The following RIN2 variants were observed in gnomAD, a reference collection of about 807,000 sequenced individuals.
RIN2 encodes the protein Ras and Rab interactor 2.
Under a neutral mutation model 78.0 loss-of-function variants are expected in RIN2, and 36 were observed. The observed-to-expected ratio is 0.46, with a 90% CI of 0.35 to 0.61. The LOEUF (loss-of-function observed/expected upper bound fraction) is 0.61. Among genes scored for constraint, RIN2 ranks in the 20% least tolerant of loss-of-function variants. RIN2 has a pLI of 0.00. For missense variants in RIN2, 1,087 were observed against 1,159.7 expected, an observed-to-expected ratio of 0.94 and a Z score of 0.91; for synonymous variants, 466 against 466.8, an observed-to-expected ratio of 1.00 and a Z score of 0.02.
At chr20:19,878,752 A>G (rs2037933441) in intron 2 of RIN2, among the ~76,000 whole-genome samples, 1 of 152,148 alleles carries the variant, frequency 6.6e-6, no homozygotes, top group Admixed American at 6.6e-5. Flanking sequence ...AACTCAGACC[A>G]TCCATCCATG....
At chr20:19,989,914 CAT>C in intron 9 of RIN2, 90 bp from the exon 10 acceptor site, 3 of 1,250,560 alleles carry the variant, frequency 2.4e-6, no homozygotes, top group Non-Finnish European at 3.3e-6. Flanking sequence ...GCAACCAATG[CAT>C]AGAGTTGCAG....
chr20:19,870,830 C>T (rs544221030), intron 2 of RIN2, among the ~76,000 whole-genome samples: 17 of 152,278 alleles, frequency 1.1e-4, no homozygotes, highest in Admixed American at 2.0e-4. Context: ...CTAACTGATG[C>T]TGTGTTCTTC....
In RIN2 at chr20:19,990,166, C is replaced by T. The variant is rs2042749194; in HGVS notation, c.1923C>T (p.Val641=). Reference sequence around the variant, plus strand: ...AGAGGAATCCGCAGGAGCTGGGGGTCTTCGCCCCGACCCCTGATTTTGTGG... The same window carrying T: ...AGAGGAATCCGCAGGAGCTGGGGGTTTTCGCCCCGACCCCTGATTTTGTGG... ...VRQRNPQELG[V]FAPTPDFVDV... is the part of the protein sequence containing the mutation. The change falls in exon 10 of 13, where the codon GTC becomes GTT. Residue 641 remains valine (V), a synonymous_variant. Coordinates refer to ENST00000255006, the MANE Select transcript of RIN2 (RefSeq NM_018993.4). The T allele has an allele frequency of 1.2e-6, 2 of 1,603,986 alleles. No homozygotes were observed. The highest frequency in any genetic ancestry group is 2.7e-5 in the African/African-American group (2 of 74,784).
Position 19,758,805 on chromosome 20 carries a change from G to A in RIN2, c.-163+478G>A, listed in dbSNP as rs548014419. Among the ~76,000 whole-genome samples, 64 of 152,308 alleles carry A rather than the reference G, an allele frequency of 4.2e-4. 1 individual carries two copies. In the South Asian group the frequency reaches 0.013, roughly 31 times the overall value. On this transcript the variant is annotated intron_variant, in intron 1 of 12. Coordinates refer to ENST00000255006, the MANE Select transcript of RIN2 (RefSeq NM_018993.4). The stretch of plus-strand genomic sequence containing the variant: ...CCTGAGCGCGCGGGTCAGACCCGGT[G>A]TCGCACAGCTTTGATCCCCAGCGCG...
intron 2 of RIN2, among the ~76,000 whole-genome samples, chr20:19,800,575 C>A (rs2035209400): frequency 1.3e-5 from 2 of 152,178 alleles, no homozygotes; most frequent in South Asian, 4.1e-4. Flanking sequence ...TCTGGGAAGC[C>A]AGGCCCTGCA....
intron 3 of RIN2, among the ~76,000 whole-genome samples, chr20:19,914,228 T>C (rs1264673715): frequency 6.6e-6 from 1 of 152,232 alleles, no homozygotes; most frequent in Non-Finnish European, 1.5e-5. Context: ...TGTCTCATTT[T>C]TTCAGTCACA....
chr20:19,989,066 A>T (rs2042712678), intron 9 of RIN2, among the ~76,000 whole-genome samples: 1 of 152,168 alleles, frequency 6.6e-6, no homozygotes, highest in Admixed American at 6.5e-5. Context: ...TTTCCTAAAA[A>T]CAAGGCTATT....
At chr20:19,887,352 A>T (rs2123476531) in intron 2 of RIN2, among the ~76,000 whole-genome samples, 1 of 152,210 alleles carries the variant, frequency 6.6e-6, no homozygotes, top group African/African-American at 2.4e-5. Flanking sequence ...TTTATTTTTT[A>T]AAATAATAAT....
chr20:19,878,481 C>T (rs1278987097), intron 2 of RIN2, among the ~76,000 whole-genome samples: 2 of 152,158 alleles, frequency 1.3e-5, no homozygotes, highest in East Asian at 1.9e-4. Context: ...GGACAAAACA[C>T]AGACGAGTCT....
intron 1 of RIN2, among the ~76,000 whole-genome samples, chr20:19,776,726 T>C (rs6515037): frequency 0.32 from 48,075 of 148,512 alleles, 11,327 homozygotes; most frequent in African/African-American, 0.68. Context: ...AGTGAGACCC[T>C]GTCTCAAAAA....
intron 7 of RIN2, among the ~76,000 whole-genome samples, chr20:19,966,257 T>C (rs1185048233): frequency 6.6e-6 from 1 of 152,074 alleles, no homozygotes; most frequent in African/African-American, 2.4e-5. Flanking sequence ...AATTTAAGGA[T>C]TAGGTTGTTT....
Position 19,975,103 on chromosome 20 carries a change from C to T in RIN2, c.1078C>T (p.Arg360Trp), listed in dbSNP as rs768703354. ...GTKPTPIPPP[R>W]LKKQASFLEA... ...GAAACCAACTCCCATCCCTCCACCC[C>T]GGCTGAAGAAGCAGGCTTCTTTTCT... is the stretch of plus-strand genomic sequence containing the variant. The change falls in exon 9 of 13, where the codon CGG becomes TGG. Residue 360 changes from arginine to tryptophan, a missense_variant. Coordinates refer to ENST00000255006, the MANE Select transcript of RIN2 (RefSeq NM_018993.4). This position sits in a 1 kb window ranked among gnomAD's most constrained non-coding sequence, Gnocchi z 4.9. The T allele has an allele frequency of 1.2e-6, 2 of 1,613,480 alleles. No homozygotes were observed. Among genetic ancestry groups the T allele is most frequent in the East Asian group, 2.2e-5 (1 of 44,866 alleles).
Position 19,806,060 on chromosome 20 carries a change from A to G in RIN2, c.-37+6313A>G, listed in dbSNP as rs576719023. Among the ~76,000 whole-genome samples, 3 of 152,148 alleles carry G rather than the reference A, an allele frequency of 2.0e-5. No individual in the cohort carries two copies. In the South Asian group the frequency reaches 6.2e-4, roughly 32 times the overall value. ...AAAGGACATGAACTCATCCTTCTTT[A>G]TGGCTGCATAGTATTCTATGGTGTA... On this transcript the variant is annotated intron_variant, in intron 2 of 12. Transcript: ENST00000255006.
chr20:19,921,339 A>G (rs571614791), intron 3 of RIN2, among the ~76,000 whole-genome samples: 4 of 152,258 alleles, frequency 2.6e-5, no homozygotes, highest in South Asian at 2.1e-4. Context: ...TTTTTAGTGG[A>G]TGCCACACGT....
chr20:19,896,640 G>A (rs11699822), intron 3 of RIN2, among the ~76,000 whole-genome samples: 1 of 152,218 alleles, frequency 6.6e-6, no homozygotes, highest in Non-Finnish European at 1.5e-5. Flanking sequence ...TAGAGATTTA[G>A]TCACAGTGAC....
At chr20:19,795,302 G>A (rs1461101861) in intron 1 of RIN2, among the ~76,000 whole-genome samples, 5 of 152,142 alleles carry the variant, frequency 3.3e-5, no homozygotes, top group African/African-American at 2.4e-5. Context: ...GTAAGATGTC[G>A]TAGCATATGT....
At chr20:19,818,242 T>A (rs909267882) in intron 2 of RIN2, among the ~76,000 whole-genome samples, 1 of 152,220 alleles carries the variant, frequency 6.6e-6, no homozygotes, top group African/African-American at 2.4e-5. Context: ...TCCATTATAA[T>A]CTTATGGCAC....
chr20:19,852,991 G>A lies in RIN2; in HGVS notation c.-36-36575G>A, dbSNP rs369441837. On this transcript the variant is annotated intron_variant, in intron 2 of 12. Coordinates refer to ENST00000255006, the MANE Select transcript of RIN2 (RefSeq NM_018993.4). ...GTTGGTGTGCTGCACCCATTAACTC[G>A]TCATTTACATTAGGTATATCTCCTA... 1.6e-3 allele frequency among the ~76,000 whole-genome samples: 234 copies of A among 150,464 alleles called. 1 individual carries two copies. Among genetic ancestry groups the A allele is most frequent in the Middle Eastern group, 6.8e-3 (2 of 292 alleles).
intron 3 of RIN2, among the ~76,000 whole-genome samples, chr20:19,923,408 T>A (rs1320129267): frequency 2.5e-5 from 3 of 118,860 alleles, no homozygotes; most frequent in African/African-American, 3.5e-5. Flanking sequence ...GGAGCGAGAC[T>A]GTGTCTCAAA....
Sources: allele counts gnomAD v4.1 joint callset (sites outside exome capture counted in the v4.1 genomes callset), GRCh38; gene constraint gnomAD v4.1.1; non-coding constraint Gnocchi (gnomAD v3.1); transcripts MANE v1.5; gene names NCBI Gene and HGNC (gene_info 2026-07-23, HGNC 2026-07-21).